STAMBPL1: variants seen among roughly 807,000 people sequenced by gnomAD.
STAMBPL1 encodes AMSH-like protease.
STAMBPL1 carries 44 observed loss-of-function variants against 52.9 expected under a neutral mutation model. The ratio of observed to expected loss-of-function variants is 0.83; its 90% CI spans 0.65 to 1.07. The LOEUF (loss-of-function observed/expected upper bound fraction) is 1.07. Ranked by LOEUF, STAMBPL1 falls within the 50% of genes least tolerant of loss-of-function variation. The probability of loss-of-function intolerance (pLI) is 0.00; values close to 1 mark genes in which losing one functional copy is unlikely to be tolerated. For synonymous variants in STAMBPL1, 164 were observed against 177.3 expected (o/e 0.92, Z 0.60); for missense variants, 511 against 520.8 (o/e 0.98, Z 0.18).
chr10:88,918,225 C>T (rs1845417810), intron 8 of STAMBPL1, among the ~76,000 whole-genome samples: 1 of 151,808 alleles, frequency 6.6e-6, no homozygotes, highest in Admixed American at 6.6e-5. Context: ...AGGAATGATA[C>T]ATGATCATTT....
At chr10:88,881,026 C>G (rs1289243722) in intron 1 of STAMBPL1, among the ~76,000 whole-genome samples, 3 of 151,984 alleles carry the variant, frequency 2.0e-5, no homozygotes, top group Non-Finnish European at 4.4e-5. Context: ...TTGGGAGAGA[C>G]CACTGCACTG....
intron 8 of STAMBPL1, among the ~76,000 whole-genome samples, chr10:88,917,499 T>C (rs1845400575): frequency 6.6e-6 from 1 of 152,092 alleles, no homozygotes; most frequent in Admixed American, 6.6e-5. Flanking sequence ...GGCAAGTTAT[T>C]AAGCAATCCG....
intron 7 of STAMBPL1, among the ~76,000 whole-genome samples, chr10:88,915,145 A>G (rs142250798): frequency 6.6e-6 from 1 of 152,190 alleles, no homozygotes; most frequent in Admixed American, 6.5e-5. Context: ...TAAGCACAGG[A>G]CATACTTAAT....
intron 1 of STAMBPL1, among the ~76,000 whole-genome samples, chr10:88,894,886 A>G (rs1844775494): frequency 6.6e-6 from 1 of 152,228 alleles, no homozygotes; most frequent in Non-Finnish European, 1.5e-5. Flanking sequence ...TACTATTCAG[A>G]ATCACCTCTT....
At chr10:88,901,820 A>T (rs1469625481) in intron 2 of STAMBPL1, 82 bp downstream of exon 2, 1 of 1,387,764 alleles carries the variant, frequency 7.2e-7, no homozygotes, top group African/African-American at 1.4e-5. Context: ...GAAATGAGTC[A>T]CAATTACTTT....
chr10:88,905,889 G>A (rs1845061209), intron 3 of STAMBPL1, among the ~76,000 whole-genome samples: 1 of 152,116 alleles, frequency 6.6e-6, no homozygotes, highest in African/African-American at 2.4e-5. Context: ...AGGGTTATCA[G>A]ATTTCCTTTC....
chr10:88,892,440 C>T (rs1260952323), intron 1 of STAMBPL1, among the ~76,000 whole-genome samples: 1 of 151,838 alleles, frequency 6.6e-6, no homozygotes, highest in Non-Finnish European at 1.5e-5. Flanking sequence ...GGAACCACTC[C>T]CAGAGGGAAC....
chr10:88,902,073 A>AT (rs1844955867), intron 2 of STAMBPL1, among the ~76,000 whole-genome samples: 1 of 152,192 alleles, frequency 6.6e-6, no homozygotes, highest in Non-Finnish European at 1.5e-5. Context: ...TACTTTATGG[A>AT]TAAGAATTGG....
chr10:88,911,968 T>C (rs1193817519), intron 5 of STAMBPL1, among the ~76,000 whole-genome samples: 1 of 152,226 alleles, frequency 6.6e-6, no homozygotes, highest in Non-Finnish European at 1.5e-5. Flanking sequence ...GATCTTCCTC[T>C]TCATGATCTT....
chr10:88,900,631 T>G (rs1844921768), intron 1 of STAMBPL1, among the ~76,000 whole-genome samples: 1 of 152,222 alleles, frequency 6.6e-6, no homozygotes, highest in Admixed American at 6.5e-5. Flanking sequence ...GAACCACTGT[T>G]TCTCCCATTT....
At position 88,908,767 on chromosome 10, in the gene STAMBPL1, A is replaced by C; in HGVS notation, c.314A>C (p.Asp105Ala). ...CAATGTGCAGTACCTGAAAAGCAGG[A>C]TATTATGAAGGTATTGTGGGTTTTC... ...YQQCAVPEKQ[D>A]IMKKLKEIAF... The change falls in exon 4 of 11, where the codon GAT becomes GCT. Residue 105 changes from aspartate (D) to alanine (A), a missense_variant. Physicochemically the swap from Asp to Ala is moderately radical, Grantham distance 126. Transcript: ENST00000371926. The C allele has an allele frequency of 1.2e-6, 2 of 1,606,998 alleles. No individual in the cohort carries two copies. The highest frequency in any genetic ancestry group is 1.7e-4 in the Middle Eastern group (1 of 6,028).
chr10:88,918,707 C>T (rs755820782), intron 8 of STAMBPL1, among the ~76,000 whole-genome samples: 3 of 152,100 alleles, frequency 2.0e-5, no homozygotes, highest in Non-Finnish European at 2.9e-5. Flanking sequence ...CCTTATTTAG[C>T]GTAACATGAT....
In STAMBPL1 at chr10:88,923,180, G is replaced by A. The variant is rs1213649651; in HGVS notation, c.1267G>A (p.Val423Met). The A allele has an allele frequency of 2.5e-6, 4 of 1,605,172 alleles. No homozygotes were observed. The East Asian group carries it at 6.8e-5, about 27-fold the overall frequency. ...TTTTCTTTCCTAGATATGCAAACATGTGTTGGTAAAAGACATAAAAATAAT... is the reference window on the plus strand; with the variant it reads ...TTTTCTTTCCTAGATATGCAAACATATGTTGGTAAAAGACATAAAAATAAT... ...EPRLFSICKH[V>M]LVKDIKIIVL... The change falls in exon 11 of 11, where the codon GTG (valine) becomes ATG (methionine). Residue 423 changes from valine to methionine, a missense_variant. Around this residue, in one of 3 missense-constraint regions of STAMBPL1, gnomAD observed 137 missense variants for 139.9 expected, o/e 0.98. Coordinates refer to ENST00000371926, the MANE Select transcript of STAMBPL1 (RefSeq NM_020799.4).
At chr10:88,902,417 CTT>C (rs1234392373) in intron 2 of STAMBPL1, among the ~76,000 whole-genome samples, 1 of 152,142 alleles carries the variant, frequency 6.6e-6, no homozygotes, top group Non-Finnish European at 1.5e-5. Context: ...TTTTCCTCCT[CTT>C]GATGACCCTC....
At chr10:88,887,205 GCTTA>G (rs1844557455) in intron 1 of STAMBPL1, among the ~76,000 whole-genome samples, 1 of 152,096 alleles carries the variant, frequency 6.6e-6, no homozygotes, top group Non-Finnish European at 1.5e-5. Context: ...CAAAGAAACT[GCTTA>G]CTTAATCTAT....
intron 4 of STAMBPL1, among the ~76,000 whole-genome samples, chr10:88,909,285 C>G (rs1845156734): frequency 6.6e-6 from 1 of 152,088 alleles, no homozygotes; most frequent in Admixed American, 6.5e-5. Context: ...AAGAGTGTTG[C>G]AATTTATCAT....
intron 1 of STAMBPL1, among the ~76,000 whole-genome samples, chr10:88,883,970 C>G (rs1844468960): frequency 6.6e-6 from 1 of 152,132 alleles, no homozygotes; most frequent in Non-Finnish European, 1.5e-5. Context: ...TCAGGTTCCA[C>G]TTTCAGGATG....
At chr10:88,896,160 T>C in intron 1 of STAMBPL1, among the ~76,000 whole-genome samples, 1 of 152,366 alleles carries the variant, frequency 6.6e-6, no homozygotes, top group Admixed American at 6.5e-5. Flanking sequence ...ATCTTATCAA[T>C]ATTTTAGTAA....
At chr10:88,911,999 C>A (rs1845237249) in intron 5 of STAMBPL1, among the ~76,000 whole-genome samples, 1 of 152,210 alleles carries the variant, frequency 6.6e-6, no homozygotes, top group South Asian at 2.1e-4. Context: ...ACAGGCTCTG[C>A]AGCTGTTGCA....
Sources: gnomAD v4.1 joint callset for allele counts (sites outside exome capture counted in the v4.1 genomes callset) on GRCh38, gnomAD v4.1.1 for gene constraint, gnomAD v4.1.1 regional missense constraint, MANE v1.5 for transcripts, NCBI Gene and HGNC (gene_info 2026-07-23, HGNC 2026-07-21) for gene names.